The following SYT1 variants were observed in gnomAD, a reference collection of about 807,000 sequenced individuals.
SYT1 encodes synaptotagmin-1.
SYT1 carries 8 observed loss-of-function variants against 44.8 expected under a neutral mutation model. That is an observed-to-expected ratio of 0.18 (90% CI 0.10 to 0.32). SYT1 has a LOEUF of 0.32. Among genes scored for constraint, SYT1 ranks in the 10% least tolerant of loss-of-function variants. The pLI is 1.00. For synonymous variants in SYT1, 154 were observed against 188.8 expected (o/e 0.82, Z 1.51); for missense variants, 286 against 509.3 (o/e 0.56, Z 4.22).
At chr12:79,196,940 C>T (rs567742727) in intron 3 of SYT1, among the ~76,000 whole-genome samples, 17 of 152,202 alleles carry the variant, frequency 1.1e-4, no homozygotes, top group African/African-American at 3.9e-4. Flanking sequence ...TGCAGATAGG[C>T]GATGTTAATG....
intron 9 of SYT1, among the ~76,000 whole-genome samples, chr12:79,404,336 C>T (rs1291408864): frequency 6.6e-6 from 1 of 152,076 alleles, no homozygotes; most frequent in Non-Finnish European, 1.5e-5. Flanking sequence ...ACTGAGTGGC[C>T]ACTTTTGAGC....
Position 79,354,324 on chromosome 12 carries a change from G to A in SYT1, c.928+705G>A, listed in dbSNP as rs370158567. On this transcript the variant is annotated intron_variant, in intron 9 of 10. Transcript: ENST00000261205. ...AAATCAATTATATTTTTAATTTTCC[G>A]CTAAATCATTAAAGTGTGAGGAATT... Among the ~76,000 whole-genome samples the A allele has an allele frequency of 4.6e-5, 7 of 152,080 alleles. No individual in the cohort carries two copies. In the East Asian group the frequency reaches 5.8e-4, roughly 13 times the overall value.
At chr12:79,121,119 G>C (rs112133285) in intron 3 of SYT1, among the ~76,000 whole-genome samples, 248 of 151,958 alleles carry the variant, frequency 1.6e-3, no homozygotes, top group African/African-American at 5.6e-3. Context: ...TTAGGAATCT[G>C]TTTGTCTTCC....
chr12:79,106,096 T>C (rs991551381), intron 3 of SYT1, among the ~76,000 whole-genome samples: 3 of 152,130 alleles, frequency 2.0e-5, no homozygotes, highest in African/African-American at 7.2e-5. Context: ...ACTGTAGACC[T>C]GCTGCTCTGA....
At chr12:79,061,569 C>T (rs979698881) in intron 3 of SYT1, among the ~76,000 whole-genome samples, 2 of 152,010 alleles carry the variant, frequency 1.3e-5, no homozygotes, top group Non-Finnish European at 2.9e-5. Flanking sequence ...GGGACAGTCT[C>T]CACCCTGGAA....
At chr12:78,965,703 G>A (rs528093496) in intron 1 of SYT1, among the ~76,000 whole-genome samples, 3 of 152,084 alleles carry the variant, frequency 2.0e-5, no homozygotes, top group Admixed American at 1.3e-4. Context: ...AGCCAAGATC[G>A]GTCTCCAGGC....
intron 3 of SYT1, among the ~76,000 whole-genome samples, chr12:79,198,347 G>A (rs2138482621): frequency 6.6e-6 from 1 of 152,246 alleles, no homozygotes; most frequent in East Asian, 1.9e-4. Flanking sequence ...GAACTTGTCA[G>A]TATTGCTTTG....
intron 1 of SYT1, among the ~76,000 whole-genome samples, chr12:78,935,571 T>C (rs541608209): frequency 7.9e-5 from 12 of 152,110 alleles, no homozygotes; most frequent in African/African-American, 2.9e-4. Context: ...TCAGCTTGGG[T>C]AAAGAAAACT....
At chr12:79,355,210 G>T (rs1432163136) in intron 9 of SYT1, among the ~76,000 whole-genome samples, 1 of 152,148 alleles carries the variant, frequency 6.6e-6, no homozygotes, top group Non-Finnish European at 1.5e-5. Context: ...GCTAAGGGAA[G>T]TTAGGTCTAG....
rs144582006 is a variant in SYT1, at chr12:79,359,200, A to G, written c.928+5581A>G. On this transcript the variant is annotated intron_variant, in intron 9 of 10. Transcript: ENST00000261205. ...AATTGGAGGAGTAGGGAACATAACA[A>G]AAGTATGTCAAGCATGGGGGCAAGC... Among the ~76,000 whole-genome samples, 1,191 of 152,264 alleles carry G rather than the reference A, an allele frequency of 7.8e-3. 12 individuals are homozygous for G. The highest frequency in any genetic ancestry group is 0.025 in the African/African-American group (1,054 of 41,552).
chr12:79,131,783 TAAG>T (rs1565820149), intron 3 of SYT1, among the ~76,000 whole-genome samples: 2 of 152,192 alleles, frequency 1.3e-5, no homozygotes, highest in Non-Finnish European at 2.9e-5. Context: ...TATGGAAAGT[TAAG>T]AACAATAAAT....
At chr12:79,208,247 G>C (rs1399000542) in intron 3 of SYT1, among the ~76,000 whole-genome samples, 1 of 152,068 alleles carries the variant, frequency 6.6e-6, no homozygotes, top group Admixed American at 6.6e-5. Context: ...TGACATTGTG[G>C]GGGCATATTT....
intron 3 of SYT1, among the ~76,000 whole-genome samples, chr12:79,102,321 GTTCCTGGTACATACCAACTTT>G (rs888530969): frequency 1.3e-5 from 2 of 150,600 alleles, no homozygotes; most frequent in African/African-American, 4.9e-5. Flanking sequence ...GCTTCTTGCT[GTTCCTGGTACATACCAACTTT>G]TTAACTTTGA....
intron 2 of SYT1, chr12:79,036,358 G>T (rs1873133816): frequency 6.6e-6 from 1 of 151,800 alleles, no homozygotes; most frequent in South Asian, 2.1e-4. Context: ...ATTGCCAGAT[G>T]GGTATTGAAT....
chr12:78,938,992 A>G (rs943011264), intron 1 of SYT1, among the ~76,000 whole-genome samples: 16 of 152,190 alleles, frequency 1.1e-4, no homozygotes, highest in Admixed American at 1.0e-3. Context: ...ATGTATAAAC[A>G]TCTGCCTCTT....
At chr12:79,049,943 A>G (rs1026002319) in intron 3 of SYT1, among the ~76,000 whole-genome samples, 1 of 152,018 alleles carries the variant, frequency 6.6e-6, no homozygotes, top group Non-Finnish European at 1.5e-5. Flanking sequence ...AGATAAAAAT[A>G]TAAGATGCTT....
At chr12:79,403,627 G>A (rs1885145886) in intron 9 of SYT1, among the ~76,000 whole-genome samples, 1 of 152,130 alleles carries the variant, frequency 6.6e-6, no homozygotes, top group African/African-American at 2.4e-5. Context: ...ATACCTCAGT[G>A]GGTTTTATTA....
intron 3 of SYT1, among the ~76,000 whole-genome samples, chr12:79,156,219 G>T (rs1870583234): frequency 6.6e-6 from 1 of 152,088 alleles, no homozygotes; most frequent in Admixed American, 6.6e-5. Flanking sequence ...ATCCAGAGAG[G>T]TTTATCTGAC....
intron 4 of SYT1, among the ~76,000 whole-genome samples, chr12:79,218,465 T>C (rs1874949868): frequency 6.6e-6 from 1 of 152,186 alleles, no homozygotes; most frequent in Non-Finnish European, 1.5e-5. Flanking sequence ...AAAAGATCTC[T>C]CGAACTTATT....
Sources: allele counts gnomAD v4.1 joint callset (sites outside exome capture counted in the v4.1 genomes callset), GRCh38; gene constraint gnomAD v4.1.1; transcripts MANE v1.5; gene names NCBI Gene and HGNC (gene_info 2026-07-23, HGNC 2026-07-21).